Variants in SNTG1 observed in about 807,000 individuals in gnomAD.
SNTG1 encodes the protein syntrophin gamma 1, also known as gamma-1-syntrophin.
Under a neutral mutation model 74.7 loss-of-function variants are expected in SNTG1, and 39 were observed. The observed-to-expected ratio is 0.52, with a 90% CI of 0.40 to 0.68. SNTG1 has a LOEUF of 0.68. SNTG1 is among the 30% of genes least tolerant of loss of function. The pLI, the probability that SNTG1 is intolerant of heterozygous loss-of-function variation, is 0.00. For synonymous variants in SNTG1, 254 were observed against 217.1 expected (o/e 1.17, Z -1.49); for missense variants, 685 against 609.5 (o/e 1.12, Z -1.30).
intron 1 of SNTG1, among the ~76,000 whole-genome samples, chr8:50,087,378 G>A (rs916529210): frequency 1.3e-5 from 2 of 152,164 alleles, no homozygotes; most frequent in Admixed American, 1.3e-4. Context: ...TTCCAGAGCA[G>A]CTGAAACTCT....
At chr8:50,705,228 T>G (rs2095439388) in intron 16 of SNTG1, among the ~76,000 whole-genome samples, 1 of 152,166 alleles carries the variant, frequency 6.6e-6, no homozygotes. Flanking sequence ...TGATTTCCAG[T>G]CCACCCTGCC....
intron 9 of SNTG1, among the ~76,000 whole-genome samples, chr8:50,520,417 C>A (rs910036364): frequency 2.6e-5 from 4 of 152,100 alleles, no homozygotes; most frequent in Non-Finnish European, 4.4e-5. Flanking sequence ...AAAGCAATGG[C>A]AACAAAAGCC....
chr8:50,331,030 T>A (rs948300649), intron 2 of SNTG1, among the ~76,000 whole-genome samples: 1 of 152,230 alleles, frequency 6.6e-6, no homozygotes, highest in Non-Finnish European at 1.5e-5. Context: ...ACAGGTAATA[T>A]TTTTCTAGCT....
Position 50,734,895 on chromosome 8 carries a change from G to A in SNTG1, c.1285-17106G>A, listed in dbSNP as rs1406399177. On this transcript the variant is annotated intron_variant, in intron 17 of 18. Transcript: ENST00000642720. ...TGGACATATATATATCTATATATAT[G>A]GACATATATATATCTATATATATGT... is the stretch of plus-strand genomic sequence containing the variant. Among the ~76,000 whole-genome samples the A allele has an allele frequency of 1.9e-4, 24 of 128,282 alleles. 3 individuals are homozygous for A. Among genetic ancestry groups the A allele is most frequent in the Admixed American group, 1.6e-4 (2 of 12,526 alleles). 84.2% of individuals were successfully genotyped at this position (128,282 alleles called of 152,430 possible). A position where few individuals can be genotyped will look rare whatever the true frequency, so the allele number is the denominator to read the frequency against.
chr8:50,596,109 T>C (rs76199825), intron 13 of SNTG1, among the ~76,000 whole-genome samples: 4,924 of 152,110 alleles, frequency 0.032, 130 homozygotes, highest in African/African-American at 0.06. Context: ...GATAATCTCG[T>C]AGATATCCCT....
At chr8:50,480,802 G>A (rs576762736) in intron 8 of SNTG1, among the ~76,000 whole-genome samples, 7 of 152,164 alleles carry the variant, frequency 4.6e-5, no homozygotes, top group Admixed American at 2.6e-4. Context: ...ACAGAAATCA[G>A]CCTATATTTA....
At chr8:50,579,964 C>T (rs2094599670) in intron 12 of SNTG1, among the ~76,000 whole-genome samples, 2 of 152,216 alleles carry the variant, frequency 1.3e-5, no homozygotes, top group African/African-American at 4.8e-5. Flanking sequence ...GGTAGAACTA[C>T]TGACGGCTTG....
chr8:50,089,167 A>G (rs1052065221), intron 1 of SNTG1, among the ~76,000 whole-genome samples: 5 of 152,118 alleles, frequency 3.3e-5, no homozygotes, highest in Middle Eastern at 3.4e-3. Flanking sequence ...AGGATTCCCT[A>G]TTTAATAAAT....
chr8:49,945,399 G>T (rs1809085092), intron 1 of SNTG1, among the ~76,000 whole-genome samples: 1 of 152,108 alleles, frequency 6.6e-6, no homozygotes, highest in African/African-American at 2.4e-5. Flanking sequence ...AAGGTAGTGT[G>T]GTCCATCGTA....
At chr8:49,966,550 A>G (rs979313013) in intron 1 of SNTG1, among the ~76,000 whole-genome samples, 12 of 151,916 alleles carry the variant, frequency 7.9e-5, no homozygotes, top group African/African-American at 2.9e-4. Context: ...ACCCGCTACC[A>G]CATCTGGCTA....
At chr8:50,028,807 T>A (rs751212977) in intron 1 of SNTG1, among the ~76,000 whole-genome samples, 1 of 152,224 alleles carries the variant, frequency 6.6e-6, no homozygotes, top group Admixed American at 6.5e-5. Context: ...TTTTAATTGT[T>A]TAGCTCTTCC....
chr8:50,119,023 C>T (rs1368108007), intron 1 of SNTG1, among the ~76,000 whole-genome samples: 1 of 140,466 alleles, frequency 7.1e-6, no homozygotes, highest in Non-Finnish European at 1.6e-5. Context: ...AAGCTTTGGC[C>T]CTCCAAACTG....
chr8:50,180,478 A>T (rs2083161574), intron 2 of SNTG1, among the ~76,000 whole-genome samples: 1 of 152,192 alleles, frequency 6.6e-6, no homozygotes, highest in African/African-American at 2.4e-5. Flanking sequence ...AACTAGATAG[A>T]AGTAATATTT....
rs2095545217 is a variant in SNTG1 at position 50,742,283 on chromosome 8, C to T, written c.1285-9718C>T. Among the ~76,000 whole-genome samples the T allele has an allele frequency of 4.6e-5, 7 of 151,936 alleles. No homozygotes were observed. The South Asian group carries it at 1.2e-3, about 27-fold the overall frequency. ...AGACCATGTGTTAAGACACAAAATACGTCATGATAGATTTTAAATGATTGA... is the reference window on the plus strand; with the variant it reads ...AGACCATGTGTTAAGACACAAAATATGTCATGATAGATTTTAAATGATTGA... On this transcript the variant is annotated intron_variant, in intron 17 of 18. Coordinates refer to ENST00000642720, the MANE Select transcript of SNTG1 (RefSeq NM_018967.5).
chr8:50,432,194 G>T (rs2093244921), intron 4 of SNTG1, among the ~76,000 whole-genome samples: 1 of 152,126 alleles, frequency 6.6e-6, no homozygotes, highest in East Asian at 1.9e-4. Context: ...TAATTTTTGT[G>T]AAGAGCATAG....
intron 2 of SNTG1, among the ~76,000 whole-genome samples, chr8:50,391,843 G>A (rs1002109016): frequency 6.6e-5 from 10 of 151,830 alleles, no homozygotes; most frequent in African/African-American, 1.7e-4. Flanking sequence ...TTCTGAGATC[G>A]TCCCCCTCCA....
chr8:49,955,371 T>G (rs1810061218), intron 1 of SNTG1, among the ~76,000 whole-genome samples: 1 of 152,232 alleles, frequency 6.6e-6, no homozygotes, highest in Non-Finnish European at 1.5e-5. Context: ...GCAGGCTGTC[T>G]TCATAAGGAG....
At chr8:50,324,938 CATATATATATAT>C (rs201152206) in intron 2 of SNTG1, among the ~76,000 whole-genome samples, 8,325 of 133,970 alleles carry the variant, frequency 0.062, 294 homozygotes, top group Non-Finnish European at 0.073. Context: ...GCATTTTATA[CATATATATATAT>C]ATATATATAT....
chr8:50,156,642 T>C (rs1276963082), intron 1 of SNTG1, among the ~76,000 whole-genome samples: 1 of 152,104 alleles, frequency 6.6e-6, no homozygotes, highest in African/African-American at 2.4e-5. Flanking sequence ...ATGGACAAAA[T>C]GTATCAAGAA....
Sources: allele counts gnomAD v4.1 joint callset (sites outside exome capture counted in the v4.1 genomes callset), GRCh38; gene constraint gnomAD v4.1.1; transcripts MANE v1.5; gene names NCBI Gene and HGNC (gene_info 2026-07-23, HGNC 2026-07-21).